Variants in RSU1 observed in about 807,000 individuals in gnomAD.
RSU1 encodes Ras suppressor protein 1.
A neutral mutation model predicts 31.1 loss-of-function variants in RSU1; 26 were observed. That is an observed-to-expected ratio of 0.84 (90% confidence interval 0.61 to 1.16). RSU1 has a LOEUF of 1.16. Ranked by LOEUF, RSU1 falls within the 50% of genes most tolerant of loss-of-function variation. RSU1 has a pLI of 0.00. For synonymous variants in RSU1, 164 were observed against 136.3 expected (o/e 1.20, Z -1.41); for missense variants, 320 against 339.1 (o/e 0.94, Z 0.44).
At chr10:16,738,270 C>A (rs1172742472) in intron 7 of RSU1, among the ~76,000 whole-genome samples, 1 of 152,042 alleles carries the variant, frequency 6.6e-6, no homozygotes, top group Non-Finnish European at 1.5e-5. Context: ...CAGAGTGAAA[C>A]TCCGTCTCTA....
chr10:16,718,753 G>A (rs1056515298), intron 7 of RSU1, among the ~76,000 whole-genome samples: 1 of 152,056 alleles, frequency 6.6e-6, no homozygotes, highest in Non-Finnish European at 1.5e-5. Context: ...GGCTGAGGCG[G>A]GCAGATCACC....
chr10:16,632,962 C>T (rs1030761932), intron 8 of RSU1, among the ~76,000 whole-genome samples: 2 of 152,070 alleles, frequency 1.3e-5, no homozygotes, highest in East Asian at 3.9e-4. Context: ...AAAAAAAACC[C>T]TGAAGACAAA....
chr10:16,616,419 G>A (rs1477193437), intron 8 of RSU1, among the ~76,000 whole-genome samples: 3 of 143,436 alleles, frequency 2.1e-5, no homozygotes, highest in African/African-American at 7.6e-5. Flanking sequence ...TGGATTCACA[G>A]CCAAATTCTA....
intron 8 of RSU1, among the ~76,000 whole-genome samples, chr10:16,672,032 C>T (rs1334570156): frequency 1.3e-5 from 2 of 151,066 alleles, no homozygotes; most frequent in Non-Finnish European, 2.9e-5. Context: ...GACGCGGTGG[C>T]TCATGCCTGT....
intron 8 of RSU1, among the ~76,000 whole-genome samples, chr10:16,684,538 C>A (rs182326996): frequency 6.6e-6 from 1 of 152,192 alleles, no homozygotes; most frequent in Admixed American, 6.5e-5. Context: ...GACACAGAGA[C>A]AGAGATACCT....
chr10:16,732,365 G>A (rs1836532278), intron 7 of RSU1, among the ~76,000 whole-genome samples: 1 of 152,178 alleles, frequency 6.6e-6, no homozygotes. Context: ...GTATTTGGAA[G>A]TAGGGTCCTT....
chr10:16,701,739 C>T (rs1835799457), intron 7 of RSU1, among the ~76,000 whole-genome samples: 1 of 152,060 alleles, frequency 6.6e-6, no homozygotes, highest in Non-Finnish European at 1.5e-5. Context: ...AGTCCTTATG[C>T]CAATGAAGAA....
chr10:16,726,163 CCTTT>C (rs1487384673), intron 7 of RSU1, among the ~76,000 whole-genome samples: 2 of 151,764 alleles, frequency 1.3e-5, no homozygotes, highest in African/African-American at 4.8e-5. Context: ...ATCTGATTTT[CCTTT>C]CTTAGATTCA....
At chr10:16,725,683 G>A (rs1836379197) in intron 7 of RSU1, among the ~76,000 whole-genome samples, 1 of 151,500 alleles carries the variant, frequency 6.6e-6, no homozygotes, top group Non-Finnish European at 1.5e-5. Context: ...GTCACCAGAT[G>A]GAATGCAGCC....
intron 3 of RSU1, among the ~76,000 whole-genome samples, chr10:16,765,772 A>G (rs1837301136): frequency 6.6e-6 from 1 of 152,218 alleles, no homozygotes; most frequent in Non-Finnish European, 1.5e-5. Context: ...GATGTCTCTT[A>G]TCAGTCAGGT....
At chr10:16,697,470 T>C (rs1310415253) in intron 7 of RSU1, among the ~76,000 whole-genome samples, 1 of 151,918 alleles carries the variant, frequency 6.6e-6, no homozygotes, top group Non-Finnish European at 1.5e-5. Context: ...CACAAGGCAA[T>C]TTGGCCAACA....
intron 8 of RSU1, among the ~76,000 whole-genome samples, chr10:16,603,002 A>C (rs1833737109): frequency 6.6e-6 from 1 of 152,172 alleles, no homozygotes; most frequent in Non-Finnish European, 1.5e-5. Flanking sequence ...CAGTTACCCT[A>C]ATTCCTGTGA....
intron 2 of RSU1, among the ~76,000 whole-genome samples, chr10:16,802,410 T>C (rs1383390846): frequency 6.6e-6 from 1 of 152,042 alleles, no homozygotes; most frequent in Admixed American, 6.5e-5. Context: ...CTACGTCTAT[T>C]AAAGAAATTG....
Position 16,624,260 on chromosome 10 carries a change from G to A in RSU1, c.732-30764C>T, listed in dbSNP as rs559312754. ...GAGTCAACAATATCAATAATGTAATGGCTGGTAGACCGACTGAGAGCTGAA... is the reference window on the plus strand; with the variant it reads ...GAGTCAACAATATCAATAATGTAATAGCTGGTAGACCGACTGAGAGCTGAA... On this transcript the variant is annotated intron_variant, in intron 8 of 8. Transcript: ENST00000345264. Among the ~76,000 whole-genome samples, 9 of 152,140 alleles carry A rather than the reference G, an allele frequency of 5.9e-5. No homozygotes were observed. The South Asian group carries it at 8.3e-4, about 14-fold the overall frequency.
chr10:16,769,671 AC>A (rs1837383503), intron 3 of RSU1, among the ~76,000 whole-genome samples: 1 of 151,952 alleles, frequency 6.6e-6, no homozygotes, highest in South Asian at 2.1e-4. Context: ...TGGTCTGGGA[AC>A]CCTCTTTTGG....
intron 3 of RSU1, among the ~76,000 whole-genome samples, chr10:16,772,972 C>T (rs755661762): frequency 6.6e-6 from 1 of 151,992 alleles, no homozygotes; most frequent in Non-Finnish European, 1.5e-5. Context: ...TTTGAGAGGC[C>T]GAGGTGGGTG....
intron 7 of RSU1, among the ~76,000 whole-genome samples, chr10:16,732,656 G>A (rs2131601882): frequency 6.6e-6 from 1 of 152,286 alleles, no homozygotes; most frequent in East Asian, 1.9e-4. Flanking sequence ...TACTGCAGAA[G>A]CTTTTTTAGA....
chr10:16,744,017 C>A (rs1761555003), intron 7 of RSU1, among the ~76,000 whole-genome samples: 1 of 151,534 alleles, frequency 6.6e-6, no homozygotes, highest in Admixed American at 6.6e-5. Context: ...GTGGTCCCAG[C>A]TACTTGGAAG....
intron 7 of RSU1, among the ~76,000 whole-genome samples, chr10:16,704,919 A>G (rs1421675185): frequency 1.3e-5 from 2 of 152,282 alleles, no homozygotes; most frequent in African/African-American, 4.8e-5. Flanking sequence ...TGGTTTGGTG[A>G]TATTAATACA....
Sources: allele counts gnomAD v4.1 joint callset (sites outside exome capture counted in the v4.1 genomes callset), GRCh38; gene constraint gnomAD v4.1.1; transcripts MANE v1.5; gene names NCBI Gene and HGNC (gene_info 2026-07-23, HGNC 2026-07-21).